Variants in RANBP2 observed in about 807,000 individuals in gnomAD.
The protein encoded by RANBP2 is E3 SUMO-protein ligase RanBP2.
A neutral mutation model predicts 303.6 loss-of-function variants in RANBP2; 57 were observed. The ratio of observed to expected loss-of-function variants is 0.19; its 90% CI spans 0.15 to 0.23. The LOEUF (loss-of-function observed/expected upper bound fraction) is 0.23, where lower values mean the gene tolerates loss of function less well. Ranked by LOEUF, RANBP2 falls within the 10% of genes least tolerant of loss-of-function variation. The pLI is 1.00. For synonymous variants in RANBP2, 1,167 were observed against 1,301.5 expected, an observed-to-expected ratio of 0.90 and a Z score of 2.23; for missense variants, 3,138 against 3,780.8, an observed-to-expected ratio of 0.83 and a Z score of 4.46.
the RANBP2 span, among the ~76,000 whole-genome samples, chr2:109,342,278 T>G: frequency 6.6e-6 from 1 of 152,170 alleles, no homozygotes; most frequent in Non-Finnish European, 1.5e-5. Context: ...TCTCATATTT[T>G]GGGAAAAATA....
the RANBP2 span, among the ~76,000 whole-genome samples, chr2:108,913,665 C>T: frequency 2.0e-5 from 3 of 151,978 alleles, no homozygotes; most frequent in Admixed American, 6.5e-5. Flanking sequence ...AAAGTGTATG[C>T]GATAGCTATC....
At chr2:109,018,658 G>A in the RANBP2 span, among the ~76,000 whole-genome samples, 1 of 152,202 alleles carries the variant, frequency 6.6e-6, no homozygotes, top group Admixed American at 6.5e-5. Context: ...CAGGCCCTTA[G>A]CACGTCCTTT....
At chr2:108,967,751 T>C in the RANBP2 span, among the ~76,000 whole-genome samples, 2 of 152,218 alleles carry the variant, frequency 1.3e-5, no homozygotes, top group African/African-American at 2.4e-5. Flanking sequence ...TGGGAAAAAC[T>C]AGACGGTGGA....
chr2:108,932,281 C>A, the RANBP2 span, among the ~76,000 whole-genome samples: 1 of 151,996 alleles, frequency 6.6e-6, no homozygotes, highest in Non-Finnish European at 1.5e-5. Context: ...GTAATCCCAG[C>A]ACTTTGGGAG....
At chr2:109,222,112 G>A in the RANBP2 span, among the ~76,000 whole-genome samples, 247 of 152,270 alleles carry the variant, frequency 1.6e-3, no homozygotes, top group Non-Finnish European at 2.9e-3. Context: ...GGCAAATATT[G>A]GACGATCTCA....
the RANBP2 span, among the ~76,000 whole-genome samples, chr2:109,428,294 G>C: frequency 1.3e-5 from 2 of 152,274 alleles, no homozygotes; most frequent in Admixed American, 1.3e-4. Context: ...AAATACTTTG[G>C]TTTACTCTGA....
chr2:109,595,625 A>C, the RANBP2 span, among the ~76,000 whole-genome samples: 1 of 152,224 alleles, frequency 6.6e-6, no homozygotes, highest in Non-Finnish European at 1.5e-5. Context: ...AAAGAGGTAT[A>C]AATCTAGATG....
chr2:109,275,685 C>T, the RANBP2 span, among the ~76,000 whole-genome samples: 5 of 152,298 alleles, frequency 3.3e-5, no homozygotes, highest in African/African-American at 4.8e-5. Flanking sequence ...TTGATTAGCG[C>T]GTCCTTTTAA....
At chr2:109,605,757 T>C in the RANBP2 span, 1 of 152,228 alleles carries the variant, frequency 6.6e-6, no homozygotes, top group Admixed American at 6.5e-5. Flanking sequence ...ACATGGAAAC[T>C]GTAAATTATA....
chr2:109,136,068 C>A, the RANBP2 span, among the ~76,000 whole-genome samples: 17 of 152,138 alleles, frequency 1.1e-4, no homozygotes, highest in Non-Finnish European at 1.5e-5. Context: ...AGAATTCTAT[C>A]CAATTGTTTC....
the RANBP2 span, among the ~76,000 whole-genome samples, chr2:109,736,138 G>A: frequency 1.3e-5 from 2 of 152,144 alleles, no homozygotes; most frequent in African/African-American, 4.8e-5. Flanking sequence ...TTCGAATTTC[G>A]GAAGGGCACC....
At chr2:109,086,584 T>G in the RANBP2 span, among the ~76,000 whole-genome samples, 2 of 152,114 alleles carry the variant, frequency 1.3e-5, no homozygotes, top group African/African-American at 4.8e-5. Flanking sequence ...TCCCTGCCCA[T>G]CGAGTGAGTC....
chr2:109,316,268 C>T, the RANBP2 span, among the ~76,000 whole-genome samples: 1 of 152,146 alleles, frequency 6.6e-6, no homozygotes, highest in African/African-American at 2.4e-5. Flanking sequence ...GCTATCAGTG[C>T]TGTGGGCCTC....
chr2:109,226,432 C>A, the RANBP2 span, among the ~76,000 whole-genome samples: 6 of 152,286 alleles, frequency 3.9e-5, no homozygotes, highest in Admixed American at 3.3e-4. Context: ...TAATGACACA[C>A]GTGGCCCATG....
At chr2:109,552,340 A>G in the RANBP2 span, among the ~76,000 whole-genome samples, 4 of 152,214 alleles carry the variant, frequency 2.6e-5, no homozygotes, top group African/African-American at 7.2e-5. Context: ...CTTCACAGAT[A>G]TCCATTTCAG....
chr2:109,001,313 C>T, the RANBP2 span, among the ~76,000 whole-genome samples: 2 of 152,182 alleles, frequency 1.3e-5, no homozygotes, highest in Admixed American at 6.5e-5. Flanking sequence ...GCTATGTGGC[C>T]AATGCTGAGG....
At chr2:109,244,964 C>T in the RANBP2 span, among the ~76,000 whole-genome samples, 1 of 152,164 alleles carries the variant, frequency 6.6e-6, no homozygotes, top group South Asian at 2.1e-4. Flanking sequence ...TGATCAGGTG[C>T]CAGTATCTCT....
chr2:109,322,382 A>G, the RANBP2 span, among the ~76,000 whole-genome samples: 1 of 152,202 alleles, frequency 6.6e-6, no homozygotes, highest in African/African-American at 2.4e-5. Context: ...CAGGCAGACT[A>G]GGCAGTTGGG....
At chr2:109,656,960 G>T in the RANBP2 span, among the ~76,000 whole-genome samples, 1 of 152,134 alleles carries the variant, frequency 6.6e-6, no homozygotes, top group Admixed American at 6.5e-5. Flanking sequence ...GAAAAATGCA[G>T]ATGGTAAAAA....
Sources: allele counts gnomAD v4.1 joint callset (sites outside exome capture counted in the v4.1 genomes callset), GRCh38; gene constraint gnomAD v4.1.1; transcripts MANE v1.5; gene names NCBI Gene and HGNC (gene_info 2026-07-23, HGNC 2026-07-21).